The following RANBP2 variants were observed in gnomAD, a reference collection of about 807,000 sequenced individuals.
The protein encoded by RANBP2 is RAN binding protein 2, also known as E3 SUMO-protein ligase RanBP2.
RANBP2 carries 57 observed loss-of-function variants against 303.6 expected under a neutral mutation model. The ratio of observed to expected loss-of-function variants is 0.19; its 90% CI spans 0.15 to 0.23. The LOEUF (loss-of-function observed/expected upper bound fraction) is 0.23. Ranked by LOEUF, RANBP2 falls within the 10% of genes least tolerant of loss-of-function variation. The pLI, the probability that RANBP2 is intolerant of heterozygous loss-of-function variation, is 1.00. For missense variants in RANBP2, 3,138 were observed against 3,780.8 expected (o/e 0.83, Z 4.46); for synonymous variants, 1,167 against 1,301.5 (o/e 0.90, Z 2.23).
At chr2:108,815,213 G>A in the RANBP2 span, among the ~76,000 whole-genome samples, 1 of 152,100 alleles carries the variant, frequency 6.6e-6, no homozygotes, top group Non-Finnish European at 1.5e-5. Flanking sequence ...AAGTTTCATA[G>A]TGGAAATTCT....
At chr2:109,582,110 A>ACACTCACT in the RANBP2 span, among the ~76,000 whole-genome samples, 1 of 134,856 alleles carries the variant, frequency 7.4e-6, no homozygotes, top group South Asian at 2.5e-4. Context: ...ACACACACAC[A>ACACTCACT]CACTCACTCT....
At chr2:109,354,276 G>A in the RANBP2 span, among the ~76,000 whole-genome samples, 1 of 152,232 alleles carries the variant, frequency 6.6e-6, no homozygotes, top group Non-Finnish European at 1.5e-5. Flanking sequence ...GGTGGAGCAG[G>A]CAGCCCATCA....
At chr2:109,432,880 C>G in the RANBP2 span, among the ~76,000 whole-genome samples, 1 of 152,372 alleles carries the variant, frequency 6.6e-6, no homozygotes, top group East Asian at 1.9e-4. Flanking sequence ...CTGTCCTCAG[C>G]AGACATTGGC....
At chr2:108,951,789 C>G in the RANBP2 span, among the ~76,000 whole-genome samples, 1 of 152,168 alleles carries the variant, frequency 6.6e-6, no homozygotes, top group Non-Finnish European at 1.5e-5. Context: ...CTTGGCAACA[C>G]TATATCAGAA....
At chr2:109,447,928 C>T in the RANBP2 span, among the ~76,000 whole-genome samples, 3 of 152,154 alleles carry the variant, frequency 2.0e-5, no homozygotes, top group African/African-American at 2.4e-5. Flanking sequence ...CCCGGTGCTT[C>T]GACATGCAGG....
At chr2:109,615,661 A>G in the RANBP2 span, 2 of 1,614,028 alleles carry the variant, frequency 1.2e-6, no homozygotes, top group Non-Finnish European at 8.5e-7. Flanking sequence ...GAGGAGATCA[A>G]GAACCTGGTG....
the RANBP2 span, among the ~76,000 whole-genome samples, chr2:109,371,009 A>G: frequency 6.6e-6 from 1 of 152,280 alleles, no homozygotes; most frequent in Non-Finnish European, 1.5e-5. Flanking sequence ...AATAAATAAT[A>G]GGAGTTGCAT....
chr2:108,753,445 A>G lies in RANBP2; in HGVS notation c.1937A>G (p.Tyr646Cys), dbSNP rs1413553144. The G allele has an allele frequency of 1.9e-6, 3 of 1,611,838 alleles. No individual in the cohort carries two copies. Among genetic ancestry groups the G allele is most frequent in the Non-Finnish European group, 2.5e-6 (3 of 1,179,776 alleles). Residue 646 changes from tyrosine (Y) to cysteine (C), a missense_variant, in exon 14 of 29, where the codon TAT (tyrosine) becomes TGT (cysteine). Coordinates refer to ENST00000283195, the MANE Select transcript of RANBP2 (RefSeq NM_006267.5). The stretch of plus-strand genomic sequence containing the variant: ...GTTTAGGCATCAGAAATTGTTGAAT[A>G]TGAAGAAGACGCACACATAACTTTT... ...VDIQASEIVE[Y>C]EEDAHITFAI... is the part of the protein sequence containing the mutation.
chr2:109,423,709 C>T, the RANBP2 span, among the ~76,000 whole-genome samples: 11 of 152,190 alleles, frequency 7.2e-5, no homozygotes, highest in Non-Finnish European at 1.3e-4. Context: ...TTTGACAGTG[C>T]CCAGCCTTGT....
chr2:109,403,862 G>A, the RANBP2 span, among the ~76,000 whole-genome samples: 2 of 152,238 alleles, frequency 1.3e-5, no homozygotes, highest in Non-Finnish European at 2.9e-5. Context: ...CCTGTCTGTG[G>A]AATGGAGCCA....
the RANBP2 span, among the ~76,000 whole-genome samples, chr2:108,802,798 C>T: frequency 9.2e-5 from 14 of 151,838 alleles, no homozygotes; most frequent in Non-Finnish European, 1.8e-4. Context: ...TTTTGAAATA[C>T]GTCCCATCAA....
the RANBP2 span, among the ~76,000 whole-genome samples, chr2:109,392,606 G>C: frequency 6.6e-6 from 1 of 151,954 alleles, no homozygotes; most frequent in South Asian, 2.1e-4. Context: ...GCTCCGCCTC[G>C]TGGGTTCACG....
At chr2:108,841,342 G>A in the RANBP2 span, among the ~76,000 whole-genome samples, 1 of 152,156 alleles carries the variant, frequency 6.6e-6, no homozygotes, top group Admixed American at 6.5e-5. Flanking sequence ...TCTATCAAGT[G>A]TGGAGAGATA....
At chr2:109,317,327 G>A in the RANBP2 span, among the ~76,000 whole-genome samples, 1 of 152,140 alleles carries the variant, frequency 6.6e-6, no homozygotes, top group East Asian at 1.9e-4. Context: ...CTGAGGGGGC[G>A]TCTGTGGGCA....
At chr2:109,291,491 T>C in the RANBP2 span, among the ~76,000 whole-genome samples, 1 of 152,154 alleles carries the variant, frequency 6.6e-6, no homozygotes, top group African/African-American at 2.4e-5. Context: ...GCCAGGGGCC[T>C]TCGGGCACGT....
At chr2:109,616,829 G>A in the RANBP2 span, 1 of 167,034 alleles carries the variant, frequency 6.0e-6, no homozygotes, top group Non-Finnish European at 1.5e-5. Flanking sequence ...TTTATTTAAA[G>A]AGAACACTTA....
At chr2:108,806,743 GAT>G in the RANBP2 span, among the ~76,000 whole-genome samples, 1 of 152,340 alleles carries the variant, frequency 6.6e-6, no homozygotes, top group South Asian at 2.1e-4. Context: ...TGAAGAAAAA[GAT>G]ATGTTATTTC....
the RANBP2 span, among the ~76,000 whole-genome samples, chr2:108,907,637 G>C: frequency 7.2e-6 from 1 of 139,758 alleles, no homozygotes; most frequent in East Asian, 2.1e-4. Flanking sequence ...GACAGAGCAA[G>C]ACTCTCATCT....
chr2:108,728,595 T>G (rs1244048168), intron 1 of RANBP2, among the ~76,000 whole-genome samples: 7 of 145,726 alleles, frequency 4.8e-5, no homozygotes, highest in African/African-American at 1.0e-4. Flanking sequence ...CCAGCTTATT[T>G]ATGATGATGA....
Sources: gnomAD v4.1 joint callset for allele counts (sites outside exome capture counted in the v4.1 genomes callset) on GRCh38, gnomAD v4.1.1 for gene constraint, MANE v1.5 for transcripts, NCBI Gene and HGNC (gene_info 2026-07-23, HGNC 2026-07-21) for gene names.